Variants in SP100 observed in about 807,000 individuals in gnomAD.
SP100 encodes SP100 nuclear body protein.
SP100 carries 84 observed loss-of-function variants against 130.0 expected under a neutral mutation model. The ratio of observed to expected loss-of-function variants is 0.65; its 90% CI spans 0.54 to 0.77. The LOEUF (loss-of-function observed/expected upper bound fraction) is 0.77. Ranked by LOEUF, SP100 falls within the 30% of genes least tolerant of loss-of-function variation. The pLI is 0.00. For synonymous variants in SP100, 331 were observed against 351.7 expected (o/e 0.94, Z 0.66); for missense variants, 978 against 1,052.2 (o/e 0.93, Z 0.97).
At chr2:230,450,458 A>G (rs1195860862) in intron 8 of SP100, among the ~76,000 whole-genome samples, 1 of 152,230 alleles carries the variant, frequency 6.6e-6, no homozygotes, top group Non-Finnish European at 1.5e-5. Context: ...ATTAGCATAA[A>G]TATTACCTCA....
rs1426323860 is a variant in SP100 at position 230,477,942 on chromosome 2, A to AG, written c.1600+3495_1600+3496insG. Among the ~76,000 whole-genome samples the AG allele has an allele frequency of 2.5e-3, 368 of 150,152 alleles. 6 individuals are homozygous for AG. Among genetic ancestry groups the AG allele is most frequent in the African/African-American group, 8.1e-3 (331 of 41,062 alleles). On this transcript the variant is annotated intron_variant, in intron 17 of 28. Transcript: ENST00000340126. The stretch of plus-strand genomic sequence containing the variant: ...AGAACAAGACCCTGTCTCAAAACAA[A>AG]ACAAACAAAAAAAAAAGCATTGAAT...
intron 1 of SP100, 121 bp from the exon 2 acceptor site, chr2:230,417,470 A>G (rs958957858): frequency 4.0e-6 from 5 of 1,253,548 alleles, no homozygotes; most frequent in Non-Finnish European, 5.4e-6. Flanking sequence ...CAATGATTAT[A>G]TATTTCTTTT....
intron 2 of SP100, among the ~76,000 whole-genome samples, chr2:230,436,937 C>G: frequency 8.9e-6 from 1 of 112,044 alleles, no homozygotes; most frequent in Non-Finnish European, 1.9e-5. Flanking sequence ...AGTGTATACA[C>G]ACACGCATAT....
chr2:230,479,288 T>C (rs2065718128), intron 17 of SP100, among the ~76,000 whole-genome samples: 1 of 152,246 alleles, frequency 6.6e-6, no homozygotes, highest in Admixed American at 6.5e-5. Flanking sequence ...ATGGTGTCTT[T>C]CTTTTAACAC....
chr2:230,461,330 A>C lies in SP100; in HGVS notation c.889A>C (p.Lys297Gln). 1 of 1,614,178 alleles carries C rather than the reference A, an allele frequency of 6.2e-7. No homozygotes were observed. ...NSCSVRLVDI[K>Q]KEKPFSNSKV... ...CTGTTCTGTGCGACTGGTGGATATA[A>C]AAAAGGAAAAGCCATTTTCTAATTC... Residue 297 changes from lysine to glutamine, a missense_variant, in exon 9 of 29, where the codon AAA (lysine) becomes CAA (glutamine). Coordinates refer to ENST00000340126, the MANE Select transcript of SP100 (RefSeq NM_001080391.2).
chr2:230,473,423 A>T lies in SP100; in HGVS notation c.1529A>T (p.Gln510Leu). Residue 510 changes from glutamine to leucine, a missense_variant, in exon 16 of 29, where the codon CAA becomes CTA. Physicochemically the swap from Gln to Leu is moderately radical, Grantham distance 113. Coordinates refer to ENST00000340126, the MANE Select transcript of SP100 (RefSeq NM_001080391.2). ...RSQEARTESS[Q>L]ASDMMDTMDV... ...CAAGAAGCAAGGACTGAAAGTAGTCAAGCATCTGACATGATGGGTAAGGCT... is the reference window on the plus strand; with the variant it reads ...CAAGAAGCAAGGACTGAAAGTAGTCTAGCATCTGACATGATGGGTAAGGCT... The T allele has an allele frequency of 6.2e-7, 1 of 1,611,928 alleles. No homozygotes were observed. The highest frequency in any genetic ancestry group is 8.5e-7 in the Non-Finnish European group (1 of 1,178,018).
chr2:230,514,999 C>G (rs1690823326), intron 24 of SP100: 2 of 1,563,380 alleles, frequency 1.3e-6, no homozygotes, highest in Non-Finnish European at 1.7e-6. Context: ...GACTCTGTAC[C>G]TTGCTGAGGA....
chr2:230,539,109 T>G (rs1049776300), intron 24 of SP100, 158 bp from the exon 25 acceptor site: 2 of 497,922 alleles, frequency 4.0e-6, no homozygotes, highest in Admixed American at 6.0e-5. Flanking sequence ...TACTGAACTT[T>G]GCCGCAGACC....
rs1485557060 is a variant in SP100, at chr2:230,540,994, T to C, written c.2329T>C (p.Leu777=). ...LMRQMLPEEQ[L]KCEFLLLKVY... ...GAGGCAGATGCTGCCTGAGGAGCAGTTGGTGAGTAAAAATGTGAACCTGAA... is the reference window on the plus strand; with the variant it reads ...GAGGCAGATGCTGCCTGAGGAGCAGCTGGTGAGTAAAAATGTGAACCTGAA... The change falls in exon 26 of 29, where the codon TTG becomes CTG. Residue 777 remains leucine, a splice_region_variant and synonymous_variant. Transcript: ENST00000340126. 3.1e-6 allele frequency: 5 copies of C among 1,610,068 alleles called. No homozygotes were observed. In the South Asian group the frequency reaches 4.4e-5, roughly 14 times the overall value.
chr2:230,433,951 A>T (rs908428003), intron 2 of SP100, among the ~76,000 whole-genome samples: 3 of 149,836 alleles, frequency 2.0e-5, no homozygotes, highest in Non-Finnish European at 4.5e-5. Context: ...ACTTACTCAA[A>T]ATCTTGTTCT....
Position 230,449,787 on chromosome 2 carries a change from C to T in SP100, c.736+77C>T, listed in dbSNP as rs566892493. 15 of 1,452,006 alleles carry T rather than the reference C, an allele frequency of 1.0e-5. No individual in the cohort carries two copies. The African/African-American group carries it at 2.0e-4, about 19-fold the overall frequency. The allele number at this position is 1,452,006 out of a possible 1,614,324, so 89.9% of individuals were successfully genotyped here. A position where few individuals can be genotyped will look rare whatever the true frequency, so the allele number is the denominator to read the frequency against. On this transcript the variant is annotated intron_variant, in intron 7 of 28. Coordinates refer to ENST00000340126, the MANE Select transcript of SP100 (RefSeq NM_001080391.2). ...GGTGGCAGAGGAAGAGTCTAATGCACAATACAAGGAGACACCTGTTTAACA... is the reference window on the plus strand; with the variant it reads ...GGTGGCAGAGGAAGAGTCTAATGCATAATACAAGGAGACACCTGTTTAACA...
chr2:230,436,866 G>GTATATGTGTATACACACACA lies in SP100; in HGVS notation c.108-6051_108-6032dup, dbSNP rs777360119. Among the ~76,000 whole-genome samples the GTATATGTGTATACACACACA allele has an allele frequency of 4.6e-3, 548 of 119,212 alleles. 14 individuals are homozygous for GTATATGTGTATACACACACA. Among genetic ancestry groups the GTATATGTGTATACACACACA allele is most frequent in the African/African-American group, 0.017 (517 of 30,514 alleles). 78.2% of individuals were successfully genotyped at this position (119,212 alleles called of 152,430 possible). On this transcript the variant is annotated intron_variant, in intron 2 of 28. Transcript: ENST00000340126. ...AAAATATGTATATGTGAACACATAT[G>GTATATGTGTATACACACACA]TATATGTGTATACACACACATATAT...
intron 24 of SP100, among the ~76,000 whole-genome samples, chr2:230,526,967 A>T (rs1412405632): frequency 1.3e-5 from 2 of 152,204 alleles, no homozygotes; most frequent in Admixed American, 1.3e-4. Flanking sequence ...CCTGAAAGTG[A>T]CGGGGAGAAT....
intron 10 of SP100, among the ~76,000 whole-genome samples, chr2:230,463,081 C>T (rs1246449678): frequency 6.6e-6 from 1 of 152,138 alleles, no homozygotes; most frequent in African/African-American, 2.4e-5. Context: ...AAGACTTTTG[C>T]AAATTGTCTT....
intron 2 of SP100, among the ~76,000 whole-genome samples, chr2:230,422,681 A>T (rs531940119): frequency 3.9e-4 from 59 of 152,116 alleles, no homozygotes; most frequent in African/African-American, 1.3e-3. Context: ...TCTGCCTCTA[A>T]CTCTCTCTTA....
chr2:230,475,240 T>G (rs2065480966), intron 17 of SP100, among the ~76,000 whole-genome samples: 1 of 152,208 alleles, frequency 6.6e-6, no homozygotes, highest in African/African-American at 2.4e-5. Context: ...CTCTGAGTAG[T>G]GTGAGATGGT....
Position 230,449,111 on chromosome 2 carries a change from A to G in SP100, c.547A>G (p.Ser183Gly). Residue 183 changes from serine to glycine, a missense_variant, in exon 6 of 29, where the codon AGC becomes GGC. Coordinates refer to ENST00000340126, the MANE Select transcript of SP100 (RefSeq NM_001080391.2). ...AGGAACTGGTGAAAACTCTTTTCGA[A>G]GCCTGACTTGGCCACCTTCGGGTTC... ...EQGTGENSFRSLTWPPSGSPS... is the reference protein window; with the variant it reads ...EQGTGENSFRGLTWPPSGSPS... 1 of 1,612,216 alleles carries G rather than the reference A, an allele frequency of 6.2e-7. No homozygotes were observed. The highest frequency in any genetic ancestry group is 1.1e-5 in the South Asian group (1 of 91,034).
At position 230,416,286 on chromosome 2, in the gene SP100, AG is replaced by A; in HGVS notation, c.-8del. Reference sequence around the variant, plus strand: ...AGGCTCTGAGGCCCACGCAGGGCCTAGGGTGGGAAGATGGCAGGTGGGGGCG... The same window carrying A: ...AGGCTCTGAGGCCCACGCAGGGCCTAGGTGGGAAGATGGCAGGTGGGGGCG... On this transcript the variant is annotated 5_prime_UTR_variant, in exon 1 of 29. Coordinates refer to ENST00000340126, the MANE Select transcript of SP100 (RefSeq NM_001080391.2). 6.2e-7 allele frequency: 1 copy of A among 1,612,480 alleles called. No homozygotes were observed. The highest frequency in any genetic ancestry group is 1.1e-5 in the South Asian group (1 of 90,986).
At chr2:230,476,271 T>C (rs537411981) in intron 17 of SP100, among the ~76,000 whole-genome samples, 2 of 152,322 alleles carry the variant, frequency 1.3e-5, no homozygotes, top group African/African-American at 4.8e-5. Context: ...CTGGATGAAT[T>C]CCTAGGGATC....
Sources: allele counts gnomAD v4.1 joint callset (sites outside exome capture counted in the v4.1 genomes callset), GRCh38; gene constraint gnomAD v4.1.1; transcripts MANE v1.5; gene names NCBI Gene and HGNC (gene_info 2026-07-23, HGNC 2026-07-21).